The following TRIM5 variants were observed in gnomAD, a reference collection of about 807,000 sequenced individuals.
TRIM5 encodes tripartite motif-containing protein 5.
In TRIM5, 31 loss-of-function variants were observed where a neutral mutation model predicts 35.6. The observed-to-expected ratio is 0.87, with a 90% CI of 0.65 to 1.18. The LOEUF is 1.18. Among genes scored for constraint, TRIM5 ranks in the 50% most tolerant of loss-of-function variants. TRIM5 has a pLI of 0.00. For synonymous variants in TRIM5, 243 were observed against 215.6 expected, an observed-to-expected ratio of 1.13 and a Z score of -1.11; for missense variants, 609 against 591.6, an observed-to-expected ratio of 1.03 and a Z score of -0.31.
chr11:5,671,313 A>ACAC (rs1554932368), intron 4 of TRIM5, among the ~76,000 whole-genome samples: 5 of 144,164 alleles, frequency 3.5e-5, no homozygotes, highest in African/African-American at 1.3e-4. Context: ...TTAAAAAAAA[A>ACAC]ACACAAAAAA....
the TRIM5 span, among the ~76,000 whole-genome samples, chr11:5,608,847 A>ATTTTT: frequency 2.7e-3 from 273 of 101,874 alleles, 18 homozygotes; most frequent in African/African-American, 6.2e-3. Flanking sequence ...TTGCCCATAA[A>ATTTTT]TTTTTTTTTT....
At chr11:5,635,886 C>A in the TRIM5 span, among the ~76,000 whole-genome samples, 1 of 151,966 alleles carries the variant, frequency 6.6e-6, no homozygotes, top group African/African-American at 2.4e-5. Context: ...TGGACAATAC[C>A]AAGTGTTTGG....
the TRIM5 span, among the ~76,000 whole-genome samples, chr11:5,656,746 C>A: frequency 6.6e-6 from 1 of 152,098 alleles, no homozygotes; most frequent in African/African-American, 2.4e-5. Context: ...AAATGCAAAT[C>A]AAAACCACAA....
At chr11:5,596,958 G>A in the TRIM5 span, 10 of 1,613,810 alleles carry the variant, frequency 6.2e-6, no homozygotes, top group African/African-American at 1.1e-4. Context: ...GTCACTTCTG[G>A]CAGAGGTGAC....
At chr11:5,603,180 G>A in the TRIM5 span, 1 of 1,556,156 alleles carries the variant, frequency 6.4e-7, no homozygotes, top group Non-Finnish European at 8.7e-7. Context: ...GGACTGGGCA[G>A]TCAGTATTCC....
At chr11:5,611,807 T>G in the TRIM5 span, 2 of 157,790 alleles carry the variant, frequency 1.3e-5, no homozygotes, top group African/African-American at 4.8e-5. Flanking sequence ...GTGGTGAGAG[T>G]AAGCATCTTT....
chr11:5,605,668 AG>A, the TRIM5 span: 1 of 1,401,282 alleles, frequency 7.1e-7, no homozygotes, highest in Non-Finnish European at 9.5e-7. Flanking sequence ...CAGGGACAAG[AG>A]AAAACATTCC....
At chr11:5,624,119 TCA>T in the TRIM5 span, among the ~76,000 whole-genome samples, 1 of 152,200 alleles carries the variant, frequency 6.6e-6, no homozygotes, top group Non-Finnish European at 1.5e-5. Context: ...CAAGGTTACC[TCA>T]GTTTCAAAGC....
At chr11:5,598,687 A>T in the TRIM5 span, among the ~76,000 whole-genome samples, 1 of 152,240 alleles carries the variant, frequency 6.6e-6, no homozygotes, top group Non-Finnish European at 1.5e-5. Flanking sequence ...GAGTAGCCAC[A>T]CTTCAAATGC....
At chr11:5,666,276 G>A (rs1590226262) in intron 5 of TRIM5, 195 bp from the exon 6 acceptor site, 1 of 662,880 alleles carries the variant, frequency 1.5e-6, no homozygotes, top group Middle Eastern at 2.7e-4. Context: ...CTTACTTTCT[G>A]TGAGAACGTG....
the TRIM5 span, chr11:5,643,699 C>A: frequency 6.3e-7 from 1 of 1,580,646 alleles, no homozygotes; most frequent in African/African-American, 1.4e-5. Flanking sequence ...CTATGCCCAC[C>A]AAGCTCTTGA....
chr11:5,656,074 C>T, the TRIM5 span, among the ~76,000 whole-genome samples: 1 of 152,088 alleles, frequency 6.6e-6, no homozygotes, highest in Non-Finnish European at 1.5e-5. Context: ...TAGGCAATAC[C>T]ATTCAGGACA....
At chr11:5,611,010 A>G in the TRIM5 span, 7 of 1,614,054 alleles carry the variant, frequency 4.3e-6, no homozygotes, top group Admixed American at 1.2e-4. Context: ...ACTGGGACCT[A>G]CATTCTCTTT....
chr11:5,651,208 C>A, the TRIM5 span, among the ~76,000 whole-genome samples: 4 of 152,182 alleles, frequency 2.6e-5, no homozygotes, highest in Non-Finnish European at 4.4e-5. Context: ...ACACCTCACA[C>A]CACCAGATCC....
rs1850917565 is a variant in TRIM5 at position 5,663,680 on chromosome 11, T to C, written c.*1129A>G. 1 of 661,272 alleles carries C rather than the reference T, an allele frequency of 1.5e-6. No homozygotes were observed. The highest frequency in any genetic ancestry group is 2.0e-5 in the African/African-American group (1 of 51,174). The allele number at this position is 661,272 out of a possible 1,614,324, so 41.0% of individuals were successfully genotyped here. A position where few individuals can be genotyped will look rare whatever the true frequency, so the allele number is the denominator to read the frequency against. On this transcript the variant is annotated 3_prime_UTR_variant, in exon 8 of 8. Transcript: ENST00000380034. ...ATATACATATTTATGTGGTACAGTG[T>C]GATGTTTTGATACATGTATACATTG...
At chr11:5,671,663 A>G (rs1200388259) in intron 4 of TRIM5, among the ~76,000 whole-genome samples, 1 of 152,128 alleles carries the variant, frequency 6.6e-6, no homozygotes, top group African/African-American at 2.4e-5. Context: ...TAAGAAATAA[A>G]AAGAGCCTCA....
chr11:5,666,499 G>C (rs1851150125), intron 5 of TRIM5, among the ~76,000 whole-genome samples: 1 of 152,166 alleles, frequency 6.6e-6, no homozygotes, highest in Admixed American at 6.5e-5. Flanking sequence ...CCAGGGAGAT[G>C]GTTAGAAAGT....
chr11:5,620,685 AC>A, the TRIM5 span, among the ~76,000 whole-genome samples: 12 of 152,264 alleles, frequency 7.9e-5, no homozygotes, highest in East Asian at 2.3e-3. Context: ...ATTATGCCTT[AC>A]GGTGGGAGGG....
At chr11:5,598,844 A>G in the TRIM5 span, among the ~76,000 whole-genome samples, 12 of 152,338 alleles carry the variant, frequency 7.9e-5, no homozygotes, top group South Asian at 2.5e-3. Context: ...GTAAGCATAC[A>G]GTTCTGTGAA....
Sources: allele counts gnomAD v4.1 joint callset (sites outside exome capture counted in the v4.1 genomes callset), GRCh38; gene constraint gnomAD v4.1.1; transcripts MANE v1.5; gene names NCBI Gene and HGNC (gene_info 2026-07-23, HGNC 2026-07-21).